The following AGAP1 variants were observed in gnomAD, a reference collection of about 807,000 sequenced individuals.
AGAP1 encodes ArfGAP with GTPase domain, ankyrin repeat and PH domain 1, also known as arf-GAP with GTPase, ANK repeat and PH domain-containing protein 1.
In AGAP1, 29 loss-of-function variants were observed where a neutral mutation model predicts 105.3. The observed-to-expected ratio is 0.28, with a 90% CI of 0.21 to 0.38. AGAP1 has a LOEUF of 0.38. AGAP1 is among the 10% of genes least tolerant of loss of function. The pLI is 1.00. For missense variants in AGAP1, 998 were observed against 1,165.1 expected (o/e 0.86, Z 2.09); for synonymous variants, 509 against 485.9 (o/e 1.05, Z -0.63).
intron 1 of AGAP1, among the ~76,000 whole-genome samples, chr2:235,674,693 C>CTTTTTTTTTTT (rs201019044): frequency 6.6e-5 from 9 of 136,294 alleles, no homozygotes; most frequent in African/African-American, 1.9e-4. Flanking sequence ...GGGTGATAGA[C>CTTTTTTTTTTT]TTTTTTTTTT....
chr2:236,127,796 A>G lies in AGAP1; in HGVS notation c.*3674A>G, dbSNP rs1310742130. 5 of 152,234 alleles carry G rather than the reference A, an allele frequency of 3.3e-5. No individual in the cohort carries two copies. The highest frequency in any genetic ancestry group is 6.5e-5 in the Admixed American group (1 of 15,282). 9.4% of individuals were successfully genotyped at this position (152,234 alleles called of 1,614,324 possible). ...ACCCCTAGGCTCAGCTGGCCCTGCC[A>G]TCCTTCCAGAGGATTCCTCTGCAAC... On this transcript the variant is annotated 3_prime_UTR_variant, in exon 18 of 18. Transcript: ENST00000304032. The surrounding 1 kb of genome is among the most constrained non-coding windows in gnomAD (Gnocchi z 6.6).
rs778949391 is a variant in AGAP1 at position 235,670,956 on chromosome 2, G to A, written c.164-38223G>A. 5 of 1,311,532 alleles carry A rather than the reference G, an allele frequency of 3.8e-6. No homozygotes were observed. In the South Asian group the frequency reaches 1.1e-4, roughly 30 times the overall value. The allele number at this position is 1,311,532 out of a possible 1,614,324, so 81.2% of individuals were successfully genotyped here. The stretch of plus-strand genomic sequence containing the variant: ...GGCCCGGGCGGCGGGCCCTCGCCAC[G>A]GAGCGGAGCCTCGCGGCCACGCGGC... On this transcript the variant is annotated intron_variant, in intron 1 of 17. Coordinates refer to ENST00000304032, the MANE Select transcript of AGAP1 (RefSeq NM_001037131.3).
chr2:235,816,192 C>CTT (rs911637526), intron 9 of AGAP1, among the ~76,000 whole-genome samples: 18 of 152,298 alleles, frequency 1.2e-4, no homozygotes, highest in African/African-American at 3.6e-4. Context: ...AATCCCAGCA[C>CTT]TTTGGGAGGC....
intron 1 of AGAP1, among the ~76,000 whole-genome samples, chr2:235,676,558 G>A (rs1948748147): frequency 1.3e-5 from 2 of 152,240 alleles, no homozygotes; most frequent in Admixed American, 1.3e-4. Context: ...CCAGCAAGGT[G>A]TTTGGGATTT....
At chr2:235,681,022 C>G (rs995510597) in intron 1 of AGAP1, among the ~76,000 whole-genome samples, 1 of 151,132 alleles carries the variant, frequency 6.6e-6, no homozygotes, top group Non-Finnish European at 1.5e-5. Flanking sequence ...TCCCCCTTTT[C>G]TTTTTAGGCA....
rs1326454536 is a variant in AGAP1 at position 235,866,931 on chromosome 2, A to AGT, written c.1051-16413_1051-16412dup. The stretch of plus-strand genomic sequence containing the variant: ...CTGTAAAGGCCCTGACTCCAAATAG[A>AGT]GTCACATCGTGAGTGCTGGGCGTTA... On this transcript the variant is annotated intron_variant, in intron 9 of 17. Coordinates refer to ENST00000304032, the MANE Select transcript of AGAP1 (RefSeq NM_001037131.3). The surrounding 1 kb of genome is among the most constrained non-coding windows in gnomAD (Gnocchi z 6.1). Among the ~76,000 whole-genome samples the AGT allele has an allele frequency of 6.6e-6, 1 of 152,218 alleles. No individual in the cohort carries two copies. The highest frequency in any genetic ancestry group is 1.5e-5 in the Non-Finnish European group (1 of 68,036).
intron 13 of AGAP1, among the ~76,000 whole-genome samples, chr2:236,017,367 A>G (rs2056741746): frequency 6.6e-6 from 1 of 152,152 alleles, no homozygotes; most frequent in Non-Finnish European, 1.5e-5. Context: ...TCTGATTTAC[A>G]GCCTTTTGAT....
intron 1 of AGAP1, among the ~76,000 whole-genome samples, chr2:235,509,529 G>A (rs116704940): frequency 1.9e-3 from 287 of 152,162 alleles, no homozygotes; most frequent in African/African-American, 6.6e-3. Flanking sequence ...CACCACGCCC[G>A]GCCAGAGGTG....
chr2:235,995,784 C>CT (rs2055786636), intron 13 of AGAP1, among the ~76,000 whole-genome samples: 1 of 152,170 alleles, frequency 6.6e-6, no homozygotes, highest in African/African-American at 2.4e-5. Context: ...AAGCTGTGGC[C>CT]TGAGTGTGGT....
At chr2:235,938,351 C>T (rs2053090040) in intron 12 of AGAP1, among the ~76,000 whole-genome samples, 1 of 152,222 alleles carries the variant, frequency 6.6e-6, no homozygotes, top group Admixed American at 6.5e-5. Flanking sequence ...TGTCACTAAG[C>T]TGTTCTCCTG....
chr2:236,106,004 G>T (rs1439122218), intron 16 of AGAP1, among the ~76,000 whole-genome samples: 3 of 152,180 alleles, frequency 2.0e-5, no homozygotes, highest in African/African-American at 4.8e-5. Context: ...CACACAGGGG[G>T]TTAGGGCTTC....
Position 235,750,280 on chromosome 2 carries a change from T to G in AGAP1, c.539-74T>G. 6.3e-7 allele frequency: 1 copy of G among 1,584,068 alleles called. No individual in the cohort carries two copies. The highest frequency in any genetic ancestry group is 8.7e-7 in the Non-Finnish European group (1 of 1,155,390). ...TGCTGAGTAAGGTACTGGTTTTCCG[T>G]GTTGTGGGGAGTGTAGGAAGTATTT... On this transcript the variant is annotated intron_variant, in intron 5 of 17. Coordinates refer to ENST00000304032, the MANE Select transcript of AGAP1 (RefSeq NM_001037131.3). The surrounding 1 kb of genome is among the most constrained non-coding windows in gnomAD (Gnocchi z 5.3).
chr2:235,647,259 A>C (rs1176386941), intron 1 of AGAP1, among the ~76,000 whole-genome samples: 1 of 152,048 alleles, frequency 6.6e-6, no homozygotes, highest in African/African-American at 2.4e-5. Context: ...TTATCATCTT[A>C]ACAATGTGAT....
intron 6 of AGAP1, among the ~76,000 whole-genome samples, chr2:235,762,110 C>CAAA (rs200107455): frequency 7.9e-5 from 8 of 100,982 alleles, no homozygotes; most frequent in African/African-American, 2.7e-4. Context: ...AACTCCGTCT[C>CAAA]AAAAAAAAAA....
Position 235,608,514 on chromosome 2 carries a change from G to A in AGAP1, c.164-100665G>A, listed in dbSNP as rs1010794147. On this transcript the variant is annotated intron_variant, in intron 1 of 17. Transcript: ENST00000304032. This position sits in a 1 kb window ranked among gnomAD's most constrained non-coding sequence, Gnocchi z 5.4. Reference sequence around the variant, plus strand: ...ATGTTGGCAGCCTCCCTGGCCCAGCGTTGGGCTGGGACCCTCTGCCTCTCC... The same window carrying A: ...ATGTTGGCAGCCTCCCTGGCCCAGCATTGGGCTGGGACCCTCTGCCTCTCC... Among the ~76,000 whole-genome samples, 1 of 152,122 alleles carries A rather than the reference G, an allele frequency of 6.6e-6. No homozygotes were observed. The highest frequency in any genetic ancestry group is 6.5e-5 in the Admixed American group (1 of 15,270).
intron 1 of AGAP1, among the ~76,000 whole-genome samples, chr2:235,504,883 CT>C (rs1941728333): frequency 6.6e-6 from 1 of 152,204 alleles, no homozygotes; most frequent in African/African-American, 2.4e-5. Flanking sequence ...TGTCTGCAGG[CT>C]ATTAATTCCT....
intron 13 of AGAP1, among the ~76,000 whole-genome samples, chr2:235,975,313 TA>T (rs1048240979): frequency 2.6e-5 from 4 of 152,162 alleles, no homozygotes; most frequent in African/African-American, 7.2e-5. Context: ...GGAGAGAAAT[TA>T]AAGAATCGTG....
Position 235,744,718 on chromosome 2 carries a change from T to A in AGAP1, c.417T>A (p.Ala139=), listed in dbSNP as rs752963873. The change falls in exon 5 of 18, where the codon GCT becomes GCA. Residue 139 remains alanine, a synonymous_variant. Transcript: ENST00000304032. The surrounding 1 kb of genome is among the most constrained non-coding windows in gnomAD (Gnocchi z 5.2). ...PEAQFAMWVD[A]VIFVFSLEDE... is the part of the protein sequence containing the mutation. ...CCTAGTTTGCCATGTGGGTGGACGC[T>A]GTTATATTTGTCTTCAGCTTGGAGG... 1.2e-6 allele frequency: 2 copies of A among 1,613,962 alleles called. No individual in the cohort carries two copies. The highest frequency in any genetic ancestry group is 4.5e-5 in the East Asian group (2 of 44,826).
chr2:235,810,475 G>A (rs1267930345), intron 9 of AGAP1, among the ~76,000 whole-genome samples: 1 of 152,158 alleles, frequency 6.6e-6, no homozygotes, highest in Non-Finnish European at 1.5e-5. Context: ...CCCCCAGCAG[G>A]AGTCTTGTAA....
Sources: allele counts gnomAD v4.1 joint callset (sites outside exome capture counted in the v4.1 genomes callset), GRCh38; gene constraint gnomAD v4.1.1; non-coding constraint Gnocchi (gnomAD v3.1); transcripts MANE v1.5; gene names NCBI Gene and HGNC (gene_info 2026-07-23, HGNC 2026-07-21).